The following ZNF814 variants were observed in gnomAD, a reference collection of about 807,000 sequenced individuals.
The protein encoded by ZNF814 is zinc finger protein 814.
Under a neutral mutation model 7.5 loss-of-function variants are expected in ZNF814, and 5 were observed. That is an observed-to-expected ratio of 0.67 (90% CI 0.35 to 1.40). ZNF814 has a LOEUF of 1.40. Ranked by LOEUF, ZNF814 falls within the 40% of genes most tolerant of loss-of-function variation. ZNF814 has a pLI of 0.04. For synonymous variants in ZNF814, 315 were observed against 340.7 expected, an observed-to-expected ratio of 0.92 and a Z score of 0.83; for missense variants, 962 against 1,018.0, an observed-to-expected ratio of 0.94 and a Z score of 0.75.
chr19:57,902,788 G>T, the ZNF814 span, among the ~76,000 whole-genome samples: 5 of 151,966 alleles, frequency 3.3e-5, no homozygotes, highest in African/African-American at 9.7e-5. Flanking sequence ...AGCCTCCCGA[G>T]TAGCTGGGAC....
At chr19:57,880,443 C>T (rs557398854) in intron 1 of ZNF814, among the ~76,000 whole-genome samples, 41 of 151,166 alleles carry the variant, frequency 2.7e-4, no homozygotes, top group African/African-American at 8.6e-4. Context: ...CACAGTTTCA[C>T]TGAAATGGGA....
At position 57,870,453 on chromosome 19, in the gene ZNF814, G is replaced by C. The variant is rs1407292952; in HGVS notation, c.*2369C>G. The C allele has an allele frequency of 6.6e-6, 1 of 152,090 alleles. No individual in the cohort carries two copies. The highest frequency in any genetic ancestry group is 2.4e-5 in the African/African-American group (1 of 41,410). 9.4% of individuals were successfully genotyped at this position (152,090 alleles called of 1,614,324 possible). The stretch of plus-strand genomic sequence containing the variant: ...ATTAAGTGGCTGGCTGGTCACAAAG[G>C]CCACATCACTGAACTGAGATCTCCC... On this transcript the variant is annotated 3_prime_UTR_variant, in exon 3 of 3. Coordinates refer to ENST00000435989, the MANE Select transcript of ZNF814 (RefSeq NM_001144989.2).
the ZNF814 span, among the ~76,000 whole-genome samples, chr19:57,894,130 C>T: frequency 8.7e-5 from 13 of 149,770 alleles, no homozygotes; most frequent in East Asian, 1.6e-3. Context: ...GTAACCCCAG[C>T]ACTTTGGGCT....
chr19:57,892,482 G>A (rs1342682675), upstream of ZNF814, among the ~76,000 whole-genome samples: 4 of 152,200 alleles, frequency 2.6e-5, no homozygotes, highest in Non-Finnish European at 5.9e-5. Flanking sequence ...CTAAGAGTTA[G>A]GGGGTTAGAG....
Position 57,874,973 on chromosome 19 carries a change from C to T in ZNF814, c.417G>A (p.Gln139=), listed in dbSNP as rs200849882. The change falls in exon 3 of 3, where the codon CAG becomes CAA. Residue 139 remains glutamine (Q), a synonymous_variant. Coordinates refer to ENST00000435989, the MANE Select transcript of ZNF814 (RefSeq NM_001144989.2). The part of the protein sequence containing the change: ...LYDSGNFHQH[Q]NEHIGEKPYR... ...AGGGTTTCTCTCCAATGTGCTCATTCTGGTGCTGATGAAAGTTTCCACTGT... is the reference window on the plus strand; with the variant it reads ...AGGGTTTCTCTCCAATGTGCTCATTTTGGTGCTGATGAAAGTTTCCACTGT... 5.2e-4 allele frequency: 842 copies of T among 1,612,840 alleles called. 6 individuals are homozygous for T. The highest frequency in any genetic ancestry group is 5.3e-4 in the Non-Finnish European group (628 of 1,179,044).
the ZNF814 span, among the ~76,000 whole-genome samples, chr19:57,897,453 C>T: frequency 3.9e-5 from 6 of 152,106 alleles, no homozygotes; most frequent in Non-Finnish European, 7.4e-5. Flanking sequence ...CAGAAAAGTC[C>T]CGATGTATAC....
upstream of ZNF814, among the ~76,000 whole-genome samples, chr19:57,893,353 T>C (rs2071742610): frequency 6.6e-6 from 1 of 151,840 alleles, no homozygotes; most frequent in Non-Finnish European, 1.5e-5. Flanking sequence ...TTTGTATTTT[T>C]ACTACAGACA....
At chr19:57,884,895 C>T (rs2071676969) in intron 1 of ZNF814, among the ~76,000 whole-genome samples, 1 of 152,170 alleles carries the variant, frequency 6.6e-6, no homozygotes, top group Non-Finnish European at 1.5e-5. Context: ...ATCCAGCAAT[C>T]CCACTGCTGG....
At chr19:57,884,580 A>G (rs779722406) in intron 1 of ZNF814, among the ~76,000 whole-genome samples, 3 of 152,170 alleles carry the variant, frequency 2.0e-5, no homozygotes, top group Admixed American at 6.6e-5. Flanking sequence ...ATCACACTAC[A>G]GCATTCCAGC....
the ZNF814 span, among the ~76,000 whole-genome samples, chr19:57,898,487 C>A: frequency 6.6e-6 from 1 of 152,336 alleles, no homozygotes; most frequent in African/African-American, 2.4e-5. Context: ...GAGCCTCCAG[C>A]TCCCATTCCT....
rs766032861 is a variant in ZNF814, at chr19:57,874,043, T to C, written c.1347A>G (p.Gly449=). 6.2e-7 allele frequency: 1 copy of C among 1,611,262 alleles called. No homozygotes were observed. The highest frequency in any genetic ancestry group is 8.5e-7 in the Non-Finnish European group (1 of 1,178,824). The change falls in exon 3 of 3, where the codon GGA becomes GGG. Residue 449 remains glycine, a synonymous_variant. Transcript: ENST00000435989. The part of the protein sequence containing the change: ...EECGKSFSSE[G]HLRSHQRVHA... ...GAACTCGTTGATGGCTCCTAAGATGTCCTTCTGAACTAAAAGATTTCCCAC... is the reference window on the plus strand; with the variant it reads ...GAACTCGTTGATGGCTCCTAAGATGCCCTTCTGAACTAAAAGATTTCCCAC...
At chr19:57,904,541 G>A in the ZNF814 span, among the ~76,000 whole-genome samples, 2 of 152,188 alleles carry the variant, frequency 1.3e-5, no homozygotes, top group Non-Finnish European at 2.9e-5. Context: ...TCACTGAGAT[G>A]CTGGACACTG....
chr19:57,873,685 C>A lies in ZNF814; in HGVS notation c.1705G>T (p.Val569Phe), dbSNP rs1476404318. 2.5e-6 allele frequency: 4 copies of A among 1,613,736 alleles called. No homozygotes were observed. The highest frequency in any genetic ancestry group is 3.4e-6 in the Non-Finnish European group (4 of 1,179,902). ...CCATAAGATCTTTCTCTAGGGTGAA[C>A]TCGCTGATGTAGAATGAGGGTGCCT... ...HKGTLILHQR[V>F]HPRERSYGCG... The change falls in exon 3 of 3, where the codon GTT becomes TTT. Residue 569 changes from valine to phenylalanine, a missense_variant. Physicochemically the swap from Val to Phe is conservative, Grantham distance 50 (BLOSUM62 -1). Coordinates refer to ENST00000435989, the MANE Select transcript of ZNF814 (RefSeq NM_001144989.2).
chr19:57,898,295 G>A, the ZNF814 span, among the ~76,000 whole-genome samples: 1 of 152,192 alleles, frequency 6.6e-6, no homozygotes, highest in Admixed American at 6.5e-5. Context: ...ACAATGGGGT[G>A]CTGAAATATC....
chr19:57,903,858 T>G, the ZNF814 span, among the ~76,000 whole-genome samples: 1 of 149,818 alleles, frequency 6.7e-6, no homozygotes, highest in South Asian at 2.1e-4. Flanking sequence ...GGGAGACATG[T>G]TGGCAGAAGA....
At chr19:57,896,475 C>T in the ZNF814 span, among the ~76,000 whole-genome samples, 3 of 152,220 alleles carry the variant, frequency 2.0e-5, no homozygotes, top group Non-Finnish European at 4.4e-5. This position sits in a 1 kb window ranked among gnomAD's most constrained non-coding sequence, Gnocchi z 4.2. Context: ...CTTTCCCTCC[C>T]CATAATGGGC....
intron 1 of ZNF814, among the ~76,000 whole-genome samples, 160 bp downstream of exon 1, chr19:57,888,607 C>T (rs575261071): frequency 3.7e-4 from 57 of 152,286 alleles, no homozygotes; most frequent in Non-Finnish European, 4.9e-4. Flanking sequence ...GCCGGTCTCC[C>T]CACCGCATCC....
At chr19:57,897,075 A>G in the ZNF814 span, among the ~76,000 whole-genome samples, 1 of 152,242 alleles carries the variant, frequency 6.6e-6, no homozygotes, top group Non-Finnish European at 1.5e-5. Context: ...CTGTCTGACA[A>G]GGACCTAAAG....
At chr19:57,893,170 AT>A (rs760411389), upstream of ZNF814, among the ~76,000 whole-genome samples, 1,675 of 125,200 alleles carry the variant, frequency 0.013, 12 homozygotes, top group African/African-American at 0.018. Context: ...TTTGTTATTG[AT>A]TTTTTTTTTT....
Sources: gnomAD v4.1 joint callset for allele counts (sites outside exome capture counted in the v4.1 genomes callset) on GRCh38, gnomAD v4.1.1 for gene constraint, Gnocchi (gnomAD v3.1) non-coding constraint, MANE v1.5 for transcripts, NCBI Gene and HGNC (gene_info 2026-07-23, HGNC 2026-07-21) for gene names.